The following PRMT3 variants were observed in gnomAD, a reference collection of about 807,000 sequenced individuals.
The protein encoded by PRMT3 is protein arginine methyltransferase 3, also known as protein arginine N-methyltransferase 3.
In PRMT3, 62 loss-of-function variants were observed where a neutral mutation model predicts 71.9. The ratio of observed to expected loss-of-function variants is 0.86; its 90% CI spans 0.70 to 1.07. The LOEUF is 1.07. Among genes scored for constraint, PRMT3 ranks in the 50% least tolerant of loss-of-function variants. PRMT3 has a pLI of 0.00. For missense variants in PRMT3, 663 were observed against 643.0 expected (o/e 1.03, Z -0.34); for synonymous variants, 213 against 220.4 (o/e 0.97, Z 0.30).
chr11:20,400,506 T>G (rs1007347709), intron 7 of PRMT3, among the ~76,000 whole-genome samples: 30 of 152,204 alleles, frequency 2.0e-4, no homozygotes, highest in African/African-American at 6.8e-4. Flanking sequence ...CTTCTTTGTT[T>G]TAAGATAAAC....
chr11:20,404,056 A>C (rs541274320), intron 8 of PRMT3, among the ~76,000 whole-genome samples: 1 of 152,060 alleles, frequency 6.6e-6, no homozygotes, highest in East Asian at 1.9e-4. Flanking sequence ...TTTTTGGCCA[A>C]AGCATTGCAC....
At chr11:20,464,315 G>T in intron 12 of PRMT3, 145 bp from the exon 13 acceptor site, 1 of 1,136,832 alleles carries the variant, frequency 8.8e-7, no homozygotes. Flanking sequence ...TAGCATGTGA[G>T]TAAAGTTTGC....
chr11:20,395,412 C>T (rs1848802996), intron 5 of PRMT3, among the ~76,000 whole-genome samples: 1 of 152,056 alleles, frequency 6.6e-6, no homozygotes, highest in Non-Finnish European at 1.5e-5. Flanking sequence ...GGTGCGATCA[C>T]AGCTCACTGC....
intron 13 of PRMT3, among the ~76,000 whole-genome samples, chr11:20,469,506 ATGGATT>A: frequency 6.6e-6 from 1 of 152,330 alleles, no homozygotes; most frequent in East Asian, 1.9e-4. Flanking sequence ...AATAGTTAAG[ATGGATT>A]TATCAGATTA....
intron 13 of PRMT3, among the ~76,000 whole-genome samples, chr11:20,483,645 A>T (rs1275785575): frequency 6.6e-6 from 1 of 152,126 alleles, no homozygotes; most frequent in East Asian, 1.9e-4. Flanking sequence ...AGGCACTATG[A>T]ATACAACAAA....
At chr11:20,420,524 G>A (rs1331853873) in intron 9 of PRMT3, among the ~76,000 whole-genome samples, 1 of 152,132 alleles carries the variant, frequency 6.6e-6, no homozygotes, top group African/African-American at 2.4e-5. Context: ...GATCAGTGGG[G>A]GCAATACATT....
intron 15 of PRMT3, among the ~76,000 whole-genome samples, chr11:20,503,384 A>G (rs1216389418): frequency 3.9e-5 from 6 of 152,146 alleles, no homozygotes; most frequent in Non-Finnish European, 7.4e-5. Context: ...ATTTACATAT[A>G]ATCAAAATTC....
intron 6 of PRMT3, among the ~76,000 whole-genome samples, chr11:20,396,649 T>TG (rs139998536): frequency 0.037 from 5,622 of 151,684 alleles, 314 homozygotes; most frequent in African/African-American, 0.13. Flanking sequence ...GTGGGGTCGG[T>TG]GGGGGGGAAT....
intron 10 of PRMT3, among the ~76,000 whole-genome samples, chr11:20,433,691 T>G (rs921830818): frequency 3.3e-5 from 5 of 151,940 alleles, no homozygotes; most frequent in African/African-American, 1.2e-4. Flanking sequence ...TGCAGTCTTG[T>G]CTCACTGCAA....
chr11:20,400,493 G>A (rs1205949596), intron 7 of PRMT3, among the ~76,000 whole-genome samples: 3 of 151,940 alleles, frequency 2.0e-5, no homozygotes, highest in East Asian at 1.9e-4. Context: ...GAAATGCATC[G>A]GTCTTCTTTG....
At chr11:20,440,194 A>G (rs1332597775) in intron 10 of PRMT3, among the ~76,000 whole-genome samples, 1 of 152,234 alleles carries the variant, frequency 6.6e-6, no homozygotes, top group Admixed American at 6.5e-5. Context: ...AAAACCCCCA[A>G]AATACTAATG....
rs182268240 is a variant in PRMT3, at chr11:20,398,424, T to C, written c.705+703T>C. Among the ~76,000 whole-genome samples, 125 of 152,314 alleles carry C rather than the reference T, an allele frequency of 8.2e-4. 1 individual carries two copies. In the Middle Eastern group the frequency reaches 0.01, roughly 12 times the overall value. On this transcript the variant is annotated intron_variant, in intron 7 of 15. Coordinates refer to ENST00000331079, the MANE Select transcript of PRMT3 (RefSeq NM_005788.4). ...GTTTTGGTCAGTCAGACTGGTGTGATGGTGCTTCCATGAGACTATAATGCC... is the reference window on the plus strand; with the variant it reads ...GTTTTGGTCAGTCAGACTGGTGTGACGGTGCTTCCATGAGACTATAATGCC...
At chr11:20,401,292 T>C (rs1848942895) in intron 7 of PRMT3, among the ~76,000 whole-genome samples, 2 of 152,198 alleles carry the variant, frequency 1.3e-5, no homozygotes, top group Admixed American at 6.5e-5. Context: ...TCACTGGTTA[T>C]AGTATCAGAA....
At chr11:20,466,425 C>T (rs1850513734) in intron 13 of PRMT3, among the ~76,000 whole-genome samples, 1 of 152,174 alleles carries the variant, frequency 6.6e-6, no homozygotes, top group Non-Finnish European at 1.5e-5. Context: ...GAACAAAACC[C>T]TTTACTACCA....
At chr11:20,480,918 A>G (rs763623043) in intron 13 of PRMT3, among the ~76,000 whole-genome samples, 20 of 152,170 alleles carry the variant, frequency 1.3e-4, no homozygotes, top group African/African-American at 1.9e-4. Flanking sequence ...TGAATTTCAT[A>G]CCTTTGAGTT....
chr11:20,507,253 C>T (rs986763212), intron 15 of PRMT3, among the ~76,000 whole-genome samples: 1 of 152,184 alleles, frequency 6.6e-6, no homozygotes, highest in African/African-American at 2.4e-5. Context: ...ACTTTAGACA[C>T]ATGCCTATTG....
chr11:20,481,984 T>C (rs117817044), intron 13 of PRMT3, among the ~76,000 whole-genome samples: 1,573 of 151,494 alleles, frequency 0.01, 12 homozygotes, highest in Middle Eastern at 0.02. Flanking sequence ...TGGAAAACTT[T>C]TAGGTATATG....
At chr11:20,476,349 T>C (rs1850784054) in intron 13 of PRMT3, among the ~76,000 whole-genome samples, 2 of 152,044 alleles carry the variant, frequency 1.3e-5, no homozygotes, top group Admixed American at 1.3e-4. Context: ...AAAAACTCCA[T>C]CTCAAAAACA....
At chr11:20,421,144 T>G (rs2133343688) in intron 9 of PRMT3, among the ~76,000 whole-genome samples, 1 of 152,294 alleles carries the variant, frequency 6.6e-6, no homozygotes, top group Non-Finnish European at 1.5e-5. Flanking sequence ...GCCCAAGTGA[T>G]CCTCCTACCT....
Sources: gnomAD v4.1 joint callset for allele counts (sites outside exome capture counted in the v4.1 genomes callset) on GRCh38, gnomAD v4.1.1 for gene constraint, MANE v1.5 for transcripts, NCBI Gene and HGNC (gene_info 2026-07-23, HGNC 2026-07-21) for gene names.